Variants in C1QTNF2 observed in about 807,000 individuals in gnomAD.
C1QTNF2 encodes complement C1q tumor necrosis factor-related protein 2.
C1QTNF2 carries 15 observed loss-of-function variants against 17.4 expected under a neutral mutation model. The ratio of observed to expected loss-of-function variants is 0.86; its 90% CI spans 0.58 to 1.33. The LOEUF (loss-of-function observed/expected upper bound fraction) is 1.33. Ranked by LOEUF, C1QTNF2 falls within the 40% of genes most tolerant of loss-of-function variation. The pLI, the probability that C1QTNF2 is intolerant of heterozygous loss-of-function variation, is 0.00. For synonymous variants in C1QTNF2, 154 were observed against 163.3 expected (o/e 0.94, Z 0.44); for missense variants, 381 against 392.3 (o/e 0.97, Z 0.24).
intron 2 of C1QTNF2, among the ~76,000 whole-genome samples, chr5:160,353,086 T>A (rs192781881): frequency 2.2e-4 from 33 of 152,164 alleles, no homozygotes; most frequent in African/African-American, 8.0e-4. Flanking sequence ...TTCACGTTCT[T>A]GCGAGGATGA....
chr5:160,359,821 G>T lies in C1QTNF2; in HGVS notation c.-9-4801C>A, dbSNP rs74587867. Among the ~76,000 whole-genome samples the T allele has an allele frequency of 4.6e-3, 696 of 152,278 alleles. 7 individuals are homozygous for T. Among genetic ancestry groups the T allele is most frequent in the African/African-American group, 0.016 (676 of 41,554 alleles). On this transcript the variant is annotated intron_variant, in intron 1 of 2. Coordinates refer to ENST00000652664, the MANE Select transcript of C1QTNF2 (RefSeq NM_031908.6). ...TGTCACTCCCCAAGACCCTCCAATA[G>T]GTGCTGGCTTAAAATAGCAAACATC...
intron 2 of C1QTNF2, among the ~76,000 whole-genome samples, chr5:160,350,531 G>C (rs971455468): frequency 1.3e-5 from 2 of 152,006 alleles, no homozygotes; most frequent in African/African-American, 4.8e-5. Context: ...TAGCCAGACA[G>C]TCTCTACAAA....
chr5:160,353,029 G>A (rs1208182521), intron 2 of C1QTNF2, among the ~76,000 whole-genome samples: 1 of 152,162 alleles, frequency 6.6e-6, no homozygotes, highest in African/African-American at 2.4e-5. Context: ...GGTTTGGAGA[G>A]AAGTTAAGTA....
chr5:160,357,652 T>C (rs1403758251), intron 1 of C1QTNF2, among the ~76,000 whole-genome samples: 1 of 152,174 alleles, frequency 6.6e-6, no homozygotes, highest in African/African-American at 2.4e-5. Context: ...AGTTGCAGTC[T>C]ACAACCATTT....
At chr5:160,352,624 A>G (rs951509442) in intron 2 of C1QTNF2, among the ~76,000 whole-genome samples, 14 of 152,352 alleles carry the variant, frequency 9.2e-5, no homozygotes, top group African/African-American at 3.1e-4. Flanking sequence ...CTCAGGATCC[A>G]TAGGCAAATC....
At chr5:160,363,220 G>A (rs1764185745) in intron 1 of C1QTNF2, among the ~76,000 whole-genome samples, 1 of 152,170 alleles carries the variant, frequency 6.6e-6, no homozygotes, top group East Asian at 1.9e-4. Context: ...TGAATTCCAG[G>A]AAGTAAATTG....
Position 160,349,087 on chromosome 5 carries a change from C to A in C1QTNF2, c.*81G>T. On this transcript the variant is annotated 3_prime_UTR_variant, in exon 3 of 3. Coordinates refer to ENST00000652664, the MANE Select transcript of C1QTNF2 (RefSeq NM_031908.6). The surrounding 1 kb of genome is among the most constrained non-coding windows in gnomAD (Gnocchi z 4.3). Reference sequence around the variant, plus strand: ...GAACCGCTCACTCGACCCCCCACCCCCAGCCTACAGTTGTGGGGTCTTGCT... The same window carrying A: ...GAACCGCTCACTCGACCCCCCACCCACAGCCTACAGTTGTGGGGTCTTGCT... 1 of 1,510,600 alleles carries A rather than the reference C, an allele frequency of 6.6e-7. No homozygotes were observed. The highest frequency in any genetic ancestry group is 1.3e-5 in the South Asian group (1 of 75,140). 93.6% of individuals were successfully genotyped at this position (1,510,600 alleles called of 1,614,324 possible). A position where few individuals can be genotyped will look rare whatever the true frequency, so the allele number is the denominator to read the frequency against.
chr5:160,363,675 C>A (rs1370558975), intron 1 of C1QTNF2, among the ~76,000 whole-genome samples: 2 of 152,178 alleles, frequency 1.3e-5, no homozygotes, highest in Non-Finnish European at 2.9e-5. Context: ...GCAGTGGAGC[C>A]CACCCCCTGG....
chr5:160,370,317 A>T (rs1764326784), intron 1 of C1QTNF2, among the ~76,000 whole-genome samples, 195 bp downstream of exon 1: 1 of 152,216 alleles, frequency 6.6e-6, no homozygotes, highest in South Asian at 2.1e-4. Context: ...GACTCAAAAC[A>T]TGTTAATTTG....
chr5:160,353,788 CTTTTTTTTTTTTTT>C (rs200777932), intron 2 of C1QTNF2, among the ~76,000 whole-genome samples: 38 of 85,980 alleles, frequency 4.4e-4, no homozygotes, highest in African/African-American at 1.2e-3. Context: ...ACTTCTCAGG[CTTTTTTTTTTTTTT>C]TTTTTTTTTT....
chr5:160,370,195 G>A (rs1426737545), intron 1 of C1QTNF2, among the ~76,000 whole-genome samples: 1 of 152,196 alleles, frequency 6.6e-6, no homozygotes, highest in Middle Eastern at 3.2e-3. Context: ...AAGAGCACAA[G>A]TAAAGTGCTA....
intron 2 of C1QTNF2, among the ~76,000 whole-genome samples, chr5:160,354,204 C>CT: frequency 6.6e-6 from 1 of 152,226 alleles, no homozygotes; most frequent in South Asian, 2.1e-4. Context: ...TTTTGGGAGA[C>CT]TTTTCCAAAG....
In C1QTNF2 at chr5:160,370,597, G is replaced by A; in HGVS notation, c.-95C>T. 1 of 1,448,872 alleles carries A rather than the reference G, an allele frequency of 6.9e-7. No individual in the cohort carries two copies. Among genetic ancestry groups the A allele is most frequent in the Non-Finnish European group, 9.0e-7 (1 of 1,105,596 alleles). 89.8% of individuals were successfully genotyped at this position (1,448,872 alleles called of 1,614,324 possible). On this transcript the variant is annotated 5_prime_UTR_variant, in exon 1 of 3. Coordinates refer to ENST00000652664, the MANE Select transcript of C1QTNF2 (RefSeq NM_031908.6). Reference sequence around the variant, plus strand: ...CGCGTCCCGGCTTTCCTCAGCGGCAGCAGCCGGGCAGAGCGTCGGCCCCAG... The same window carrying A: ...CGCGTCCCGGCTTTCCTCAGCGGCAACAGCCGGGCAGAGCGTCGGCCCCAG...
chr5:160,356,918 T>C (rs1764061604), intron 1 of C1QTNF2, among the ~76,000 whole-genome samples: 1 of 152,118 alleles, frequency 6.6e-6, no homozygotes, highest in Admixed American at 6.5e-5. Context: ...TGGAAACAGA[T>C]GCTGAGGGGA....
Position 160,349,086 on chromosome 5 carries a change from C to T in C1QTNF2, c.*82G>A. On this transcript the variant is annotated 3_prime_UTR_variant, in exon 3 of 3. Coordinates refer to ENST00000652664, the MANE Select transcript of C1QTNF2 (RefSeq NM_031908.6). This position sits in a 1 kb window ranked among gnomAD's most constrained non-coding sequence, Gnocchi z 4.3. Reference sequence around the variant, plus strand: ...AGAACCGCTCACTCGACCCCCCACCCCCAGCCTACAGTTGTGGGGTCTTGC... The same window carrying T: ...AGAACCGCTCACTCGACCCCCCACCTCCAGCCTACAGTTGTGGGGTCTTGC... 1 of 1,508,672 alleles carries T rather than the reference C, an allele frequency of 6.6e-7. No homozygotes were observed. Among genetic ancestry groups the T allele is most frequent in the Non-Finnish European group, 8.9e-7 (1 of 1,126,346 alleles). 93.5% of individuals were successfully genotyped at this position (1,508,672 alleles called of 1,614,324 possible).
chr5:160,361,203 G>T (rs1045557083), intron 1 of C1QTNF2, among the ~76,000 whole-genome samples: 2 of 152,178 alleles, frequency 1.3e-5, no homozygotes, highest in African/African-American at 4.8e-5. Context: ...AAAGCGCTAG[G>T]AGCTAAAGTG....
At chr5:160,357,908 A>G (rs987225906) in intron 1 of C1QTNF2, among the ~76,000 whole-genome samples, 4 of 152,160 alleles carry the variant, frequency 2.6e-5, no homozygotes. Context: ...GACGAGAGAG[A>G]GGGAGAGAAA....
At chr5:160,350,984 T>G (rs372420634) in intron 2 of C1QTNF2, among the ~76,000 whole-genome samples, 61 of 152,272 alleles carry the variant, frequency 4.0e-4, no homozygotes, top group African/African-American at 1.2e-3. Context: ...ACTCCTGACC[T>G]CGTGATCTGC....
chr5:160,350,346 G>A (rs1213497069), intron 2 of C1QTNF2, among the ~76,000 whole-genome samples: 3 of 152,134 alleles, frequency 2.0e-5, no homozygotes, highest in African/African-American at 7.2e-5. Flanking sequence ...AGTTACGTGT[G>A]CTCTATGAAA....
Sources: gnomAD v4.1 joint callset for allele counts (sites outside exome capture counted in the v4.1 genomes callset) on GRCh38, gnomAD v4.1.1 for gene constraint, Gnocchi (gnomAD v3.1) non-coding constraint, MANE v1.5 for transcripts, NCBI Gene and HGNC (gene_info 2026-07-23, HGNC 2026-07-21) for gene names.